The following WTIP variants were observed in gnomAD, a reference collection of about 807,000 sequenced individuals.
WTIP encodes the protein WT1 interacting protein.
In WTIP, 23 loss-of-function variants were observed where a neutral mutation model predicts 41.7. That is an observed-to-expected ratio of 0.55 (90% confidence interval 0.40 to 0.78). WTIP has a LOEUF of 0.78. Ranked by LOEUF, WTIP falls within the 30% of genes least tolerant of loss-of-function variation. The pLI is 0.00. For synonymous variants in WTIP, 314 were observed against 269.9 expected (o/e 1.16, Z -1.60); for missense variants, 619 against 610.5 (o/e 1.01, Z -0.15).
intron 1 of WTIP, among the ~76,000 whole-genome samples, chr19:34,484,067 C>T (rs1481478260): frequency 6.6e-6 from 1 of 152,084 alleles, no homozygotes; most frequent in Non-Finnish European, 1.5e-5. Flanking sequence ...GCTGGGATTA[C>T]AGGCATGCGC....
At position 34,493,081 on chromosome 19, in the gene WTIP, G is replaced by A; in HGVS notation, c.814G>A (p.Val272Met). The A allele has an allele frequency of 1.2e-6, 2 of 1,613,958 alleles. No individual in the cohort carries two copies. The highest frequency in any genetic ancestry group is 2.7e-5 in the African/African-American group (2 of 75,052). The change falls in exon 3 of 8, where the codon GTG (valine) becomes ATG (methionine). Residue 272 changes from valine to methionine, a missense_variant. Around this residue, in one of 3 missense-constraint regions of WTIP, gnomAD observed 164 missense variants for 219.1 expected, o/e 0.75. Transcript: ENST00000590071. The surrounding 1 kb of genome is among the most constrained non-coding windows in gnomAD (Gnocchi z 4.1). ...GGCGTTCTACAACGTGGGTGAGAAAGTGTACTGCCAGGAGGACTTCCTGGT... is the reference window on the plus strand; with the variant it reads ...GGCGTTCTACAACGTGGGTGAGAAAATGTACTGCCAGGAGGACTTCCTGGT... ...GKAFYNVGEK[V>M]YCQEDFLYSG...
chr19:34,500,409 CG>C lies in WTIP; in HGVS notation c.*141del, dbSNP rs1568403419. ...GCTGTCTGCAGGGGCCGGACCCCCGCGTGGAAGCTTCTATTTATTCACCGTC... is the reference window on the plus strand; with the variant it reads ...GCTGTCTGCAGGGGCCGGACCCCCGCTGGAAGCTTCTATTTATTCACCGTC... On this transcript the variant is annotated 3_prime_UTR_variant, in exon 8 of 8. Transcript: ENST00000590071. The C allele has an allele frequency of 8.4e-7, 1 of 1,194,074 alleles. No homozygotes were observed. Among genetic ancestry groups the C allele is most frequent in the Non-Finnish European group, 1.1e-6 (1 of 891,672 alleles). 74.0% of individuals were successfully genotyped at this position (1,194,074 alleles called of 1,614,324 possible). A position where few individuals can be genotyped will look rare whatever the true frequency, so the allele number is the denominator to read the frequency against.
In WTIP at chr19:34,499,522, G is replaced by A. The variant is rs117945742; in HGVS notation, c.1153-607G>A. 7.6e-3 allele frequency among the ~76,000 whole-genome samples: 1,159 copies of A among 151,918 alleles called. 10 individuals carry two copies. Among genetic ancestry groups the A allele is most frequent in the Non-Finnish European group, 0.014 (923 of 67,930 alleles). ...GACCCTGTCTCAAACAACAACAAAC[G>A]AATAAACAAAAAACACCCAAACCAT... On this transcript the variant is annotated intron_variant, in intron 7 of 7. Transcript: ENST00000590071.
At chr19:34,482,870 C>T (rs8108666) in intron 1 of WTIP, among the ~76,000 whole-genome samples, 109,972 of 152,124 alleles carry the variant, frequency 0.72, 43,308 homozygotes, top group Non-Finnish European at 0.88. Context: ...GCCTCTGGGT[C>T]CCCCGACACA....
Position 34,482,263 on chromosome 19 carries a change from G to A in WTIP, c.289G>A (p.Asp97Asn). The A allele has an allele frequency of 1.5e-6, 2 of 1,291,488 alleles. No homozygotes were observed. The highest frequency in any genetic ancestry group is 2.0e-6 in the Non-Finnish European group (2 of 1,012,560). The allele number at this position is 1,291,488 out of a possible 1,614,324, so 80.0% of individuals were successfully genotyped here. ...GSPRASLAGS[D>N]GGGGGGSARS... ...CCCACGGGCCAGCCTGGCGGGGTCC[G>A]ACGGCGGCGGCGGTGGCGGCAGCGC... The change falls in exon 1 of 8, where the codon GAC becomes AAC. Residue 97 changes from aspartate (D) to asparagine (N), a missense_variant. This residue lies in a region of WTIP where 363 missense variants were observed against 309.0 expected (regional missense o/e 1.17). Coordinates refer to ENST00000590071, the MANE Select transcript of WTIP (RefSeq NM_001080436.2).
At chr19:34,492,978 A>T in intron 2 of WTIP, 59 bp from the exon 3 acceptor site, 1 of 1,584,772 alleles carries the variant, frequency 6.3e-7, no homozygotes, top group Non-Finnish European at 8.7e-7. Context: ...AGCTGGAAGC[A>T]CGGCTCCATC....
chr19:34,493,336 G>T lies in WTIP; in HGVS notation c.900+11G>T. 2 of 1,611,378 alleles carry T rather than the reference G, an allele frequency of 1.2e-6. No individual in the cohort carries two copies. Among genetic ancestry groups the T allele is most frequent in the Non-Finnish European group, 1.7e-6 (2 of 1,179,040 alleles). ...CTCATCATGGAAATGGTGAGCCCCT[G>T]CCCCAGCCTCCTGGAGCCCCTCTGA... is the stretch of plus-strand genomic sequence containing the variant. On this transcript the variant is annotated intron_variant, in intron 4 of 7. Coordinates refer to ENST00000590071, the MANE Select transcript of WTIP (RefSeq NM_001080436.2). The surrounding 1 kb of genome is among the most constrained non-coding windows in gnomAD (Gnocchi z 4.1).
intron 5 of WTIP, among the ~76,000 whole-genome samples, chr19:34,494,086 C>A (rs1029414513): frequency 1.3e-5 from 2 of 152,158 alleles, no homozygotes; most frequent in African/African-American, 4.8e-5. Flanking sequence ...GGATTGGAGT[C>A]CTGGGCAGAG....
chr19:34,506,773 T>C lies in WTIP; in HGVS notation c.*6504T>C, dbSNP rs2075913192. On this transcript the variant is annotated 3_prime_UTR_variant, in exon 8 of 8. Coordinates refer to ENST00000590071, the MANE Select transcript of WTIP (RefSeq NM_001080436.2). ...AGACGCTATCTCAAAAATAAATAAA[T>C]AAATAAATAAATAAATAAATAAATG... is the stretch of plus-strand genomic sequence containing the variant. 1 of 130,872 alleles carries C rather than the reference T, an allele frequency of 7.6e-6. No individual in the cohort carries two copies. The highest frequency in any genetic ancestry group is 2.4e-4 in the South Asian group (1 of 4,144). The allele number at this position is 130,872 out of a possible 1,614,324, so 8.1% of individuals were successfully genotyped here.
At chr19:34,496,071 C>T (rs902214142) in intron 7 of WTIP, among the ~76,000 whole-genome samples, 5 of 152,198 alleles carry the variant, frequency 3.3e-5, no homozygotes, top group East Asian at 1.9e-4. Context: ...GTAGGAGAAT[C>T]GCTTGAACCT....
chr19:34,508,447 C>T lies in WTIP; in HGVS notation c.*8178C>T, dbSNP rs1310041430. 6.6e-6 allele frequency: 1 copy of T among 152,030 alleles called. No individual in the cohort carries two copies. The highest frequency in any genetic ancestry group is 2.4e-5 in the African/African-American group (1 of 41,370). The allele number at this position is 152,030 out of a possible 1,614,324, so 9.4% of individuals were successfully genotyped here. On this transcript the variant is annotated 3_prime_UTR_variant, in exon 8 of 8. Coordinates refer to ENST00000590071, the MANE Select transcript of WTIP (RefSeq NM_001080436.2). ...AGAAGGAGGGGACATGAGTGAAGGT[C>T]CCAGTCCACCCTATGCAAGCAGAAG...
intron 7 of WTIP, among the ~76,000 whole-genome samples, chr19:34,496,502 T>G (rs1418869365): frequency 6.6e-6 from 1 of 152,106 alleles, no homozygotes; most frequent in Non-Finnish European, 1.5e-5. Context: ...CCATTCTACC[T>G]GTCCTTTTCC....
At chr19:34,499,183 C>T (rs868138387) in intron 7 of WTIP, among the ~76,000 whole-genome samples, 1 of 151,330 alleles carries the variant, frequency 6.6e-6, no homozygotes, top group East Asian at 2.0e-4. Flanking sequence ...CCACTGCATT[C>T]CAGCCTGGGC....
intron 5 of WTIP, 131 bp from the exon 6 acceptor site, chr19:34,494,455 G>A (rs905342631): frequency 2.1e-5 from 17 of 808,716 alleles, no homozygotes; most frequent in Admixed American, 9.0e-5. Flanking sequence ...TGTCTGCCCC[G>A]AGGTGTGCAC....
intron 1 of WTIP, among the ~76,000 whole-genome samples, chr19:34,483,287 G>C (rs2145589807): frequency 6.6e-6 from 1 of 151,206 alleles, no homozygotes; most frequent in South Asian, 2.1e-4. Context: ...GCCTCCCAAG[G>C]TGCTAGGATT....
At chr19:34,496,675 TG>T (rs2075855639) in intron 7 of WTIP, among the ~76,000 whole-genome samples, 3 of 46,210 alleles carry the variant, frequency 6.5e-5, no homozygotes. Context: ...TGTGGGGGGT[TG>T]GGGGTTGGGG....
chr19:34,506,590 C>G lies in WTIP; in HGVS notation c.*6321C>G, dbSNP rs1474927334. 3 of 151,898 alleles carry G rather than the reference C, an allele frequency of 2.0e-5. No individual in the cohort carries two copies. Among genetic ancestry groups the G allele is most frequent in the Non-Finnish European group, 4.4e-5 (3 of 68,022 alleles). 9.4% of individuals were successfully genotyped at this position (151,898 alleles called of 1,614,324 possible). On this transcript the variant is annotated 3_prime_UTR_variant, in exon 8 of 8. Coordinates refer to ENST00000590071, the MANE Select transcript of WTIP (RefSeq NM_001080436.2). The stretch of plus-strand genomic sequence containing the variant: ...TGGCCAACATGGCGAAACCCCGTCT[C>G]TACTAAAATTACAAAAACTAGCCAG...
chr19:34,489,859 A>G (rs1330399662), intron 1 of WTIP, among the ~76,000 whole-genome samples: 1 of 152,150 alleles, frequency 6.6e-6, no homozygotes, highest in Non-Finnish European at 1.5e-5. Flanking sequence ...GCTTGAGCCT[A>G]GGAGGTTGAG....
At chr19:34,482,993 T>A (rs1025902347) in intron 1 of WTIP, among the ~76,000 whole-genome samples, 2 of 150,868 alleles carry the variant, frequency 1.3e-5, no homozygotes, top group African/African-American at 4.9e-5. Flanking sequence ...CTTCTTTTTT[T>A]TTTTTCTTTC....
Sources: gnomAD v4.1 joint callset for allele counts (sites outside exome capture counted in the v4.1 genomes callset) on GRCh38, gnomAD v4.1.1 for gene constraint, gnomAD v4.1.1 regional missense constraint, Gnocchi (gnomAD v3.1) non-coding constraint, MANE v1.5 for transcripts, NCBI Gene and HGNC (gene_info 2026-07-23, HGNC 2026-07-21) for gene names.